Variants in ABCC3 observed in about 807,000 individuals in gnomAD.
The protein encoded by ABCC3 is ATP-binding cassette sub-family C member 3.
ABCC3 carries 121 observed loss-of-function variants against 165.3 expected under a neutral mutation model. The ratio of observed to expected loss-of-function variants is 0.73; its 90% CI spans 0.63 to 0.85. The LOEUF is 0.85. ABCC3 is among the 40% of genes least tolerant of loss of function. The pLI is 0.00. For synonymous variants in ABCC3, 733 were observed against 810.1 expected, an observed-to-expected ratio of 0.90 and a Z score of 1.62; for missense variants, 1,869 against 1,964.1, an observed-to-expected ratio of 0.95 and a Z score of 0.92.
At chr17:50,657,900 T>G (rs1414448871) in intron 4 of ABCC3, among the ~76,000 whole-genome samples, 182 bp from the exon 5 acceptor site, 1 of 152,234 alleles carries the variant, frequency 6.6e-6, no homozygotes, top group Middle Eastern at 3.2e-3. Context: ...TGGTCCTCGC[T>G]GAACCAGAGC....
intron 26 of ABCC3, among the ~76,000 whole-genome samples, chr17:50,681,374 G>A (rs1967926668): frequency 6.6e-6 from 1 of 152,064 alleles, no homozygotes; most frequent in African/African-American, 2.4e-5. Context: ...ACTTTTAGCA[G>A]GAATCATCCC....
intron 26 of ABCC3, among the ~76,000 whole-genome samples, chr17:50,680,561 C>T (rs550132322): frequency 6.6e-6 from 1 of 152,320 alleles, no homozygotes; most frequent in South Asian, 2.1e-4. Flanking sequence ...TCTGCCTTCA[C>T]TGGGACTCCC....
intron 9 of ABCC3, 42 bp downstream of exon 9, chr17:50,663,900 A>G: frequency 1.2e-6 from 2 of 1,614,212 alleles, no homozygotes; most frequent in Non-Finnish European, 1.7e-6. Flanking sequence ...GGCCCTGGGC[A>G]GCTTGCAAGA....
intron 2 of ABCC3, 88 bp downstream of exon 2, chr17:50,656,096 T>A (rs1287010887): frequency 1.8e-6 from 2 of 1,101,976 alleles, no homozygotes; most frequent in African/African-American, 1.6e-5. Flanking sequence ...AATTAATTAA[T>A]TAATTTAGAG....
intron 1 of ABCC3, among the ~76,000 whole-genome samples, chr17:50,653,915 C>G (rs375995810): frequency 3.3e-5 from 5 of 152,336 alleles, no homozygotes; most frequent in African/African-American, 1.2e-4. Flanking sequence ...ACTTTGCAGT[C>G]TGCGATTGGC....
intron 11 of ABCC3, among the ~76,000 whole-genome samples, chr17:50,665,562 G>A (rs1177758102): frequency 1.3e-5 from 2 of 151,928 alleles, no homozygotes; most frequent in Non-Finnish European, 2.9e-5. Context: ...TGAATAGCCA[G>A]TCACTCAGTC....
intron 7 of ABCC3, 97 bp downstream of exon 7, chr17:50,659,465 G>A (rs1291106931): frequency 9.8e-6 from 14 of 1,428,266 alleles, no homozygotes; most frequent in South Asian, 1.4e-5. Flanking sequence ...CATTGCTGGG[G>A]TGGCAAGCAG....
chr17:50,676,632 G>A, intron 23 of ABCC3, 44 bp downstream of exon 23: 1 of 1,546,422 alleles, frequency 6.5e-7, no homozygotes, highest in Non-Finnish European at 8.8e-7. Context: ...GTGTTATTGG[G>A]GCGGGGCAAC....
intron 19 of ABCC3, among the ~76,000 whole-genome samples, chr17:50,673,916 CT>C (rs1227296466): frequency 6.2e-4 from 8 of 12,984 alleles, no homozygotes; most frequent in African/African-American, 2.8e-3. Context: ...TTCTTTCTTT[CT>C]TTCTTTCTTT....
At chr17:50,668,114 C>A in intron 13 of ABCC3, 105 bp downstream of exon 13, 1 of 1,018,190 alleles carries the variant, frequency 9.8e-7, no homozygotes, top group Non-Finnish European at 1.5e-6. Flanking sequence ...TTATTGGATT[C>A]AGGGAAGGTT....
At chr17:50,680,488 A>G (rs1022663680) in intron 26 of ABCC3, among the ~76,000 whole-genome samples, 7 of 152,022 alleles carry the variant, frequency 4.6e-5, no homozygotes, top group South Asian at 2.1e-4. Flanking sequence ...CAAGCATCCC[A>G]TCTTTGGCCC....
In ABCC3 at chr17:50,676,549, G is replaced by A. The variant is rs780467757; in HGVS notation, c.3339G>A (p.Val1113=). 3.1e-6 allele frequency: 5 copies of A among 1,613,752 alleles called. No individual in the cohort carries two copies. The highest frequency in any genetic ancestry group is 1.3e-5 in the African/African-American group (1 of 74,992). ...VIMASTPLFT[V]VILPLAVLYT... The stretch of plus-strand genomic sequence containing the variant: ...TGGCCAGCACGCCGCTCTTCACTGT[G>A]GTCATCCTGCCCCTGGCTGTGCTCT... Residue 1113 remains valine, a synonymous_variant, in exon 23 of 31, where the codon GTG becomes GTA. Coordinates refer to ENST00000285238, the MANE Select transcript of ABCC3 (RefSeq NM_003786.4).
In ABCC3 at chr17:50,675,522, C is replaced by T. The variant is rs756700217; in HGVS notation, c.2714+46C>T. ...AGCCCTCCCGGAGGCTGTATCAGGC[C>T]TCCCCAGGCCCTGCCAGATGGGGTG... On this transcript the variant is annotated intron_variant, in intron 20 of 30. Transcript: ENST00000285238. 6 of 1,595,468 alleles carry T rather than the reference C, an allele frequency of 3.8e-6. No individual in the cohort carries two copies. In the Admixed American group the frequency reaches 1.0e-4, roughly 27 times the overall value.
At chr17:50,654,500 A>G (rs1017078258) in intron 1 of ABCC3, among the ~76,000 whole-genome samples, 2 of 152,234 alleles carry the variant, frequency 1.3e-5, no homozygotes, top group Non-Finnish European at 2.9e-5. Context: ...AAGACCAAGC[A>G]GCTTCCCAAG....
chr17:50,683,663 G>A lies in ABCC3; in HGVS notation c.3861G>A (p.Gly1287=). ...CTCCCGAAGGTTGGCCCCCACGTGGGGAGGTGGAGTTCCGGAATTATTCTG... is the reference window on the plus strand; with the variant it reads ...CTCCCGAAGGTTGGCCCCCACGTGGAGAGGTGGAGTTCCGGAATTATTCTG... ...SRPPEGWPPR[G]EVEFRNYSVR... is the part of the protein sequence containing the mutation. Residue 1287 remains glycine (G), a synonymous_variant, in exon 27 of 31, where the codon GGG becomes GGA. Coordinates refer to ENST00000285238, the MANE Select transcript of ABCC3 (RefSeq NM_003786.4). 6.2e-7 allele frequency: 1 copy of A among 1,603,390 alleles called. No homozygotes were observed. The highest frequency in any genetic ancestry group is 8.5e-7 in the Non-Finnish European group (1 of 1,174,708).
rs745939718 is a variant in ABCC3, at chr17:50,675,642, C to T, written c.2726C>T (p.Ala909Val). ...AGCTGCCTCCACAGACAGCTGAGTGCCCTGTCCTCAGATGGGGAGGGACAG... is the reference window on the plus strand; with the variant it reads ...AGCTGCCTCCACAGACAGCTGAGTGTCCTGTCCTCAGATGGGGAGGGACAG... ...VQKQFMRQLS[A>V]LSSDGEGQGR... is the part of the protein sequence containing the mutation. The change falls in exon 21 of 31, where the codon GCC becomes GTC. Residue 909 changes from alanine to valine, a missense_variant. Coordinates refer to ENST00000285238, the MANE Select transcript of ABCC3 (RefSeq NM_003786.4). The T allele has an allele frequency of 1.6e-5, 25 of 1,568,162 alleles. No homozygotes were observed. Among genetic ancestry groups the T allele is most frequent in the Non-Finnish European group, 1.8e-5 (21 of 1,156,728 alleles).
chr17:50,680,417 C>T (rs192876961), intron 26 of ABCC3, among the ~76,000 whole-genome samples: 3 of 152,212 alleles, frequency 2.0e-5, no homozygotes, highest in African/African-American at 4.8e-5. Flanking sequence ...CTTTTCTCCA[C>T]CGCCCCCTCT....
At chr17:50,640,916 T>C (rs1396300446) in intron 1 of ABCC3, among the ~76,000 whole-genome samples, 1 of 152,220 alleles carries the variant, frequency 6.6e-6, no homozygotes, top group Non-Finnish European at 1.5e-5. Flanking sequence ...GTCAATGGTC[T>C]TGTCTGTTCA....
chr17:50,655,469 T>C (rs1373333608), intron 1 of ABCC3, among the ~76,000 whole-genome samples: 3 of 112,188 alleles, frequency 2.7e-5, no homozygotes, highest in African/African-American at 9.8e-5. Flanking sequence ...AGAAAGAAAA[T>C]GAGCCTGGGA....
Sources: allele counts gnomAD v4.1 joint callset (sites outside exome capture counted in the v4.1 genomes callset), GRCh38; gene constraint gnomAD v4.1.1; transcripts MANE v1.5; gene names NCBI Gene and HGNC (gene_info 2026-07-23, HGNC 2026-07-21).